Variants in FNTB observed in about 807,000 individuals in gnomAD.
FNTB encodes farnesyltransferase, CAAX box, subunit beta, also known as protein farnesyltransferase subunit beta.
FNTB carries 27 observed loss-of-function variants against 59.4 expected under a neutral mutation model. The observed-to-expected ratio is 0.45, with a 90% CI of 0.34 to 0.63. FNTB has a LOEUF of 0.63. Ranked by LOEUF, FNTB falls within the 20% of genes least tolerant of loss-of-function variation. FNTB has a pLI of 0.02. For synonymous variants in FNTB, 230 were observed against 220.7 expected, an observed-to-expected ratio of 1.04 and a Z score of -0.37; for missense variants, 449 against 559.6, an observed-to-expected ratio of 0.80 and a Z score of 1.99.
At chr14:64,992,497 T>C (rs1687623402) in intron 1 of FNTB, among the ~76,000 whole-genome samples, 1 of 152,226 alleles carries the variant, frequency 6.6e-6, no homozygotes, top group Non-Finnish European at 1.5e-5. Context: ...GAGCCACTTT[T>C]TGAGTCAGCC....
Position 64,991,208 on chromosome 14 carries a change from C to T in FNTB, c.144+4111C>T, listed in dbSNP as rs1389296692. Among the ~76,000 whole-genome samples the T allele has an allele frequency of 6.6e-6, 1 of 152,294 alleles. No individual in the cohort carries two copies. The highest frequency in any genetic ancestry group is 3.4e-3 in the Middle Eastern group (1 of 294). ...GTGTCATTGAACCATTGGCATGGTT[C>T]ATTGTCAATGAAGTGACTTGAACTC... On this transcript the variant is annotated intron_variant, in intron 1 of 11. Coordinates refer to ENST00000246166, the MANE Select transcript of FNTB (RefSeq NM_002028.4). This position sits in a 1 kb window ranked among gnomAD's most constrained non-coding sequence, Gnocchi z 4.4.
At chr14:65,057,431 C>G (rs1480944087) in intron 11 of FNTB, among the ~76,000 whole-genome samples, 1 of 152,058 alleles carries the variant, frequency 6.6e-6, no homozygotes, top group Non-Finnish European at 1.5e-5. Flanking sequence ...GCACCCCTTC[C>G]CCACAAAAAT....
rs1472877018 is a variant in FNTB at position 65,001,234 on chromosome 14, A to G, written c.145-3015A>G. ...TGCACTATATAACAATCAACAGACT[A>G]CATATACCACAGTGGTCTGGAAAGA... On this transcript the variant is annotated intron_variant, in intron 1 of 11. Transcript: ENST00000246166. This position sits in a 1 kb window ranked among gnomAD's most constrained non-coding sequence, Gnocchi z 5.5. 1.3e-5 allele frequency among the ~76,000 whole-genome samples: 2 copies of G among 152,244 alleles called. No individual in the cohort carries two copies. Among genetic ancestry groups the G allele is most frequent in the African/African-American group, 2.4e-5 (1 of 41,466 alleles).
intron 4 of FNTB, chr14:65,016,512 G>C (rs2061775743): frequency 6.6e-6 from 1 of 152,218 alleles, no homozygotes; most frequent in Non-Finnish European, 1.5e-5. Context: ...TCTGGGATGA[G>C]AGACTTCTGA....
In FNTB at chr14:65,044,547, G is replaced by C. The variant is rs1566569661; in HGVS notation, c.955+104G>C. ...TTTTAGAGGGGTTGAAATGAGCTCT[G>C]TCTATCCTGGATTTTGAGTGCCCAG... On this transcript the variant is annotated intron_variant, in intron 9 of 11. Coordinates refer to ENST00000246166, the MANE Select transcript of FNTB (RefSeq NM_002028.4). The surrounding 1 kb of genome is among the most constrained non-coding windows in gnomAD (Gnocchi z 5.5). 6.7e-7 allele frequency: 1 copy of C among 1,490,586 alleles called. No homozygotes were observed. Among genetic ancestry groups the C allele is most frequent in the Non-Finnish European group, 8.9e-7 (1 of 1,123,392 alleles). The allele number at this position is 1,490,586 out of a possible 1,614,324, so 92.3% of individuals were successfully genotyped here. A position where few individuals can be genotyped will look rare whatever the true frequency, so the allele number is the denominator to read the frequency against.
chr14:64,989,959 A>AT (rs1888127064), intron 1 of FNTB, among the ~76,000 whole-genome samples: 1 of 151,994 alleles, frequency 6.6e-6, no homozygotes, highest in Non-Finnish European at 1.5e-5. Flanking sequence ...AGGTCTTCAT[A>AT]TAAGGTGTTA....
intron 4 of FNTB, among the ~76,000 whole-genome samples, chr14:65,020,499 C>T (rs970797743): frequency 3.9e-5 from 6 of 152,154 alleles, no homozygotes; most frequent in African/African-American, 1.4e-4. Flanking sequence ...GATCTTGGCT[C>T]ACTGCAACCT....
In FNTB at chr14:65,054,726, A is replaced by G; in HGVS notation, c.1182+37A>G. 2 of 1,570,334 alleles carry G rather than the reference A, an allele frequency of 1.3e-6. No homozygotes were observed. Among genetic ancestry groups the G allele is most frequent in the Non-Finnish European group, 1.7e-6 (2 of 1,155,566 alleles). On this transcript the variant is annotated intron_variant, in intron 11 of 11. Transcript: ENST00000246166. This position sits in a 1 kb window ranked among gnomAD's most constrained non-coding sequence, Gnocchi z 4.4. ...GCAGGGCTTCACACCCCTTCTCCAC[A>G]GGGACCTCGCGGACAGAAGGCTTTC...
rs1232003751 is a variant in FNTB at position 64,990,878 on chromosome 14, G to T, written c.144+3781G>T. The stretch of plus-strand genomic sequence containing the variant: ...GACGGTAGTGGAGGTAATGAGAAAT[G>T]GTCAGCTCTGGATATTTTTATGAAG... On this transcript the variant is annotated intron_variant, in intron 1 of 11. Transcript: ENST00000246166. The surrounding 1 kb of genome is among the most constrained non-coding windows in gnomAD (Gnocchi z 5.2). Among the ~76,000 whole-genome samples the T allele has an allele frequency of 6.6e-6, 1 of 152,150 alleles. No individual in the cohort carries two copies. The highest frequency in any genetic ancestry group is 1.5e-5 in the Non-Finnish European group (1 of 68,032).
chr14:64,995,178 C>A (rs1216476276), intron 1 of FNTB, among the ~76,000 whole-genome samples: 1 of 152,166 alleles, frequency 6.6e-6, no homozygotes, highest in Non-Finnish European at 1.5e-5. Context: ...CACATTTCAT[C>A]CCACTGGAAG....
At chr14:65,004,452 G>A in intron 2 of FNTB, 139 bp downstream of exon 2, 1 of 867,470 alleles carries the variant, frequency 1.2e-6, no homozygotes, top group Non-Finnish European at 1.8e-6. Context: ...TGGTTACCTG[G>A]ATATGCTAAG....
At chr14:65,050,849 A>T (rs2062590913) in intron 9 of FNTB, among the ~76,000 whole-genome samples, 1 of 152,220 alleles carries the variant, frequency 6.6e-6, no homozygotes, top group Non-Finnish European at 1.5e-5. Context: ...TGGTCAGTCT[A>T]TTTGAAGAAA....
intron 9 of FNTB, 21 bp from the exon 10 acceptor site, chr14:65,053,217 T>C: frequency 7.4e-7 from 1 of 1,359,280 alleles, no homozygotes; most frequent in Admixed American, 3.0e-5. Context: ...GGGCCCTTAC[T>C]GACCCTTTGC....
At chr14:64,993,733 G>A (rs1232500268) in intron 1 of FNTB, among the ~76,000 whole-genome samples, 2 of 152,190 alleles carry the variant, frequency 1.3e-5, no homozygotes, top group East Asian at 3.8e-4. Context: ...TGCCTCATGA[G>A]ATTGGCTTTA....
At chr14:64,995,463 A>G (rs1457771364) in intron 1 of FNTB, among the ~76,000 whole-genome samples, 14 of 152,240 alleles carry the variant, frequency 9.2e-5, no homozygotes, top group Admixed American at 9.2e-4. Flanking sequence ...TTACACCAGC[A>G]TCACCACAGG....
intron 4 of FNTB, among the ~76,000 whole-genome samples, chr14:65,018,244 G>T (rs1433166176): frequency 2.6e-5 from 4 of 152,116 alleles, no homozygotes; most frequent in African/African-American, 4.8e-5. Flanking sequence ...AGGAGGCCGA[G>T]ACAGGAGTTC....
intron 9 of FNTB, among the ~76,000 whole-genome samples, chr14:65,050,489 G>A (rs1263411428): frequency 6.6e-6 from 1 of 152,172 alleles, no homozygotes; most frequent in Non-Finnish European, 1.5e-5. Context: ...TACTCAGGAG[G>A]CTGAGACAGG....
chr14:65,058,808 A>G (rs1015037784), intron 11 of FNTB, among the ~76,000 whole-genome samples: 6 of 152,126 alleles, frequency 3.9e-5, no homozygotes, highest in Admixed American at 2.6e-4. Flanking sequence ...TAGTAGAGGC[A>G]GTGTGTCTGT....
rs947461816 is a variant in FNTB at position 65,029,097 on chromosome 14, C to T, written c.605+1316C>T. 1.3e-5 allele frequency among the ~76,000 whole-genome samples: 2 copies of T among 152,092 alleles called. No homozygotes were observed. Among genetic ancestry groups the T allele is most frequent in the African/African-American group, 4.8e-5 (2 of 41,402 alleles). On this transcript the variant is annotated intron_variant, in intron 6 of 11. Coordinates refer to ENST00000246166, the MANE Select transcript of FNTB (RefSeq NM_002028.4). The surrounding 1 kb of genome is among the most constrained non-coding windows in gnomAD (Gnocchi z 4.7). ...CAGTAAGGCAGCTTGGTTCCCCTGC[C>T]AAGCACTGTAGCCATATTCTTCCCT... is the stretch of plus-strand genomic sequence containing the variant.
Sources: gnomAD v4.1 joint callset for allele counts (sites outside exome capture counted in the v4.1 genomes callset) on GRCh38, gnomAD v4.1.1 for gene constraint, Gnocchi (gnomAD v3.1) non-coding constraint, MANE v1.5 for transcripts, NCBI Gene and HGNC (gene_info 2026-07-23, HGNC 2026-07-21) for gene names.